PNKD: variants seen among roughly 807,000 people sequenced by gnomAD.
The protein encoded by PNKD is probable thioesterase PNKD.
PNKD carries 36 observed loss-of-function variants against 45.3 expected under a neutral mutation model. That is an observed-to-expected ratio of 0.80 (90% CI 0.61 to 1.05). PNKD has a LOEUF of 1.05. Ranked by LOEUF, PNKD falls within the 50% of genes least tolerant of loss-of-function variation. The probability of loss-of-function intolerance (pLI) is 0.00; values close to 1 mark genes in which losing one functional copy is unlikely to be tolerated. For synonymous variants in PNKD, 197 were observed against 210.1 expected, an observed-to-expected ratio of 0.94 and a Z score of 0.54; for missense variants, 511 against 506.6, an observed-to-expected ratio of 1.01 and a Z score of -0.08.
Position 218,340,158 on chromosome 2 carries a change from G to A in PNKD, c.465+17G>A. On this transcript the variant is annotated intron_variant, in intron 4 of 9. Coordinates refer to ENST00000273077, the MANE Select transcript of PNKD (RefSeq NM_015488.5). The surrounding 1 kb of genome is among the most constrained non-coding windows in gnomAD (Gnocchi z 4.2). ...GCTGTGCAGGTGAGGGGAGGGCAGG[G>A]AGCAGGGGGTGCCTGGAGTCACCTT... The A allele has an allele frequency of 6.5e-7, 1 of 1,527,150 alleles. No individual in the cohort carries two copies. The highest frequency in any genetic ancestry group is 9.1e-7 in the Non-Finnish European group (1 of 1,101,956). The allele number at this position is 1,527,150 out of a possible 1,614,324, so 94.6% of individuals were successfully genotyped here. A position where few individuals can be genotyped will look rare whatever the true frequency, so the allele number is the denominator to read the frequency against.
In PNKD at chr2:218,326,057, A is replaced by G. The variant is rs1427336030; in HGVS notation, c.237-13726A>G. 7.5e-6 allele frequency among the ~76,000 whole-genome samples: 1 copy of G among 133,502 alleles called. No individual in the cohort carries two copies. The highest frequency in any genetic ancestry group is 1.6e-5 in the Non-Finnish European group (1 of 63,366). The allele number at this position is 133,502 out of a possible 152,430, so 87.6% of individuals were successfully genotyped here. A position where few individuals can be genotyped will look rare whatever the true frequency, so the allele number is the denominator to read the frequency against. ...GGTGCTAGGGGTGCCTCCAGGAAGGATGGGGAGGGAGGGGGAACGGAATGG... is the reference window on the plus strand; with the variant it reads ...GGTGCTAGGGGTGCCTCCAGGAAGGGTGGGGAGGGAGGGGGAACGGAATGG... On this transcript the variant is annotated intron_variant, in intron 2 of 9. Transcript: ENST00000273077. This position sits in a 1 kb window ranked among gnomAD's most constrained non-coding sequence, Gnocchi z 4.1.
At chr2:218,315,057 T>TCTTTCTTTCTTTCTTTCTTC (rs61429059) in intron 2 of PNKD, among the ~76,000 whole-genome samples, 1,532 of 55,432 alleles carry the variant, frequency 0.028, 207 homozygotes, top group African/African-American at 0.072. Flanking sequence ...TTTCTTTCTT[T>TCTTTCTTTCTTTCTTTCTTC]CTTCCTTCCT....
intron 2 of PNKD, chr2:218,278,447 TC>T: frequency 1.3e-6 from 2 of 1,499,454 alleles, no homozygotes; most frequent in Non-Finnish European, 1.9e-6. Context: ...AATCCTTCTT[TC>T]CAAAATACTC....
chr2:218,311,539 G>A (rs886379862), intron 2 of PNKD, among the ~76,000 whole-genome samples: 2 of 152,208 alleles, frequency 1.3e-5, no homozygotes, highest in Admixed American at 1.3e-4. Flanking sequence ...GAAAGGTACT[G>A]TGCCTGGATG....
At chr2:218,277,647 C>T (rs181300023) in intron 2 of PNKD, 28 of 1,614,116 alleles carry the variant, frequency 1.7e-5, no homozygotes, top group African/African-American at 1.7e-4. Context: ...AAATGGTGCC[C>T]GTCATGAAGC....
At chr2:218,315,031 T>TC (rs1359468025) in intron 2 of PNKD, among the ~76,000 whole-genome samples, 81 of 1,350 alleles carry the variant, frequency 0.06, 2 homozygotes, top group Admixed American at 0.076. Flanking sequence ...TTTCTTTCTT[T>TC]CTTTCTTTTT....
At chr2:218,289,439 C>T (rs1692779047) in intron 2 of PNKD, among the ~76,000 whole-genome samples, 1 of 151,882 alleles carries the variant, frequency 6.6e-6, no homozygotes, top group African/African-American at 2.4e-5. Flanking sequence ...GTCAGGTGTT[C>T]GAGACCAGCC....
At chr2:218,270,994 G>C (rs1462276386) in intron 1 of PNKD, 1 of 435,266 alleles carries the variant, frequency 2.3e-6, no homozygotes, top group Non-Finnish European at 4.2e-6. Context: ...TCCGTACAGT[G>C]CAAGGGATGG....
intron 2 of PNKD, chr2:218,278,291 ATGCTACC>A (rs1316780832): frequency 1.6e-6 from 1 of 613,274 alleles, no homozygotes; most frequent in Non-Finnish European, 2.9e-6. Flanking sequence ...ACTGGCTAAA[ATGCTACC>A]TGTCTTGCAG....
At chr2:218,299,637 A>T (rs1245282881) in intron 2 of PNKD, among the ~76,000 whole-genome samples, 4 of 142,544 alleles carry the variant, frequency 2.8e-5, no homozygotes, top group Non-Finnish European at 4.5e-5. Flanking sequence ...TTTTTTTTTG[A>T]GACAGAGTTT....
chr2:218,274,129 G>A (rs973472760), intron 2 of PNKD: 1 of 154,962 alleles, frequency 6.5e-6, no homozygotes, highest in Non-Finnish European at 1.5e-5. Flanking sequence ...GACAGCCCAA[G>A]CCAGAATGCA....
In PNKD at chr2:218,343,396, G is replaced by A. The variant is rs183762547; in HGVS notation, c.782-104G>A. 612 of 914,068 alleles carry A rather than the reference G, an allele frequency of 6.7e-4. 1 individual carries two copies. The African/African-American group carries it at 9.0e-3, about 13-fold the overall frequency. 56.6% of individuals were successfully genotyped at this position (914,068 alleles called of 1,614,324 possible). ...TGGAAAGTGCACAGTCAGGGCTGAC[G>A]GCCAGCCAGAGCATTACAAGCTGGT... On this transcript the variant is annotated intron_variant, in intron 7 of 9. Transcript: ENST00000273077.
chr2:218,281,956 C>A (rs369968603), intron 2 of PNKD: 2 of 1,598,678 alleles, frequency 1.3e-6, no homozygotes, highest in East Asian at 4.5e-5. Context: ...TCATGGGCAT[C>A]GGGTGGGTGG....
chr2:218,320,511 T>C (rs966597448), intron 2 of PNKD, among the ~76,000 whole-genome samples: 3 of 152,136 alleles, frequency 2.0e-5, no homozygotes, highest in African/African-American at 7.2e-5. Context: ...GAGGCTGCAG[T>C]GAGCTATGAT....
In PNKD at chr2:218,343,603, C is replaced by A. The variant is rs373858533; in HGVS notation, c.868+17C>A. 156 of 1,587,696 alleles carry A rather than the reference C, an allele frequency of 9.8e-5. No individual in the cohort carries two copies. Among genetic ancestry groups the A allele is most frequent in the Non-Finnish European group, 1.3e-4 (149 of 1,160,856 alleles). ...TGTGGCCTGGTGAGACACCCCCTTACTACTCCCCATCCTCCAGCCCCACGC... is the reference window on the plus strand; with the variant it reads ...TGTGGCCTGGTGAGACACCCCCTTAATACTCCCCATCCTCCAGCCCCACGC... On this transcript the variant is annotated intron_variant, in intron 8 of 9. Coordinates refer to ENST00000273077, the MANE Select transcript of PNKD (RefSeq NM_015488.5).
chr2:218,295,949 C>T (rs1220730475), intron 2 of PNKD, among the ~76,000 whole-genome samples: 1 of 151,542 alleles, frequency 6.6e-6, no homozygotes, highest in Non-Finnish European at 1.5e-5. Flanking sequence ...AGGCTCAAGC[C>T]ATCCTCCCAC....
chr2:218,279,449 C>G (rs1691633654), intron 2 of PNKD: 1 of 1,167,072 alleles, frequency 8.6e-7, no homozygotes, highest in Non-Finnish European at 1.2e-6. Flanking sequence ...ACTCAAGAAC[C>G]CTCCCTAGCT....
intron 2 of PNKD, among the ~76,000 whole-genome samples, chr2:218,302,828 T>C (rs1419849336): frequency 1.3e-5 from 2 of 151,974 alleles, no homozygotes; most frequent in Non-Finnish European, 2.9e-5. Context: ...GCGCAGAATG[T>C]ATGTGTGTGT....
chr2:218,288,515 G>T (rs768801618), intron 2 of PNKD, among the ~76,000 whole-genome samples: 4 of 152,166 alleles, frequency 2.6e-5, no homozygotes, highest in Non-Finnish European at 5.9e-5. Context: ...TATAACTAAG[G>T]AAGTACAGGT....
Sources: allele counts gnomAD v4.1 joint callset (sites outside exome capture counted in the v4.1 genomes callset), GRCh38; gene constraint gnomAD v4.1.1; non-coding constraint Gnocchi (gnomAD v3.1); transcripts MANE v1.5; gene names NCBI Gene and HGNC (gene_info 2026-07-23, HGNC 2026-07-21).